The following TXNL1 variants were observed in gnomAD, a reference collection of about 807,000 sequenced individuals.
The protein encoded by TXNL1 is thioredoxin-like protein 1.
TXNL1 carries 14 observed loss-of-function variants against 35.5 expected under a neutral mutation model. The ratio of observed to expected loss-of-function variants is 0.39; its 90% CI spans 0.26 to 0.62. The LOEUF is 0.62. Ranked by LOEUF, TXNL1 falls within the 20% of genes least tolerant of loss-of-function variation. The pLI is 0.47. For synonymous variants in TXNL1, 110 were observed against 115.5 expected (o/e 0.95, Z 0.31); for missense variants, 263 against 349.7 (o/e 0.75, Z 1.98).
chr18:56,604,071 A>T (rs1185724467), intron 7 of TXNL1, among the ~76,000 whole-genome samples: 1 of 152,124 alleles, frequency 6.6e-6, no homozygotes, highest in Non-Finnish European at 1.5e-5. Context: ...CAATCACACA[A>T]TCCTAGAAAT....
chr18:56,598,721 G>A lies in TXNL1; in HGVS notation c.*4306C>T, dbSNP rs566474766. ...AAAAAGCAGTGACAGCTGAGAGCAG[G>A]ATACAGAAGATACTTATCCTTGTTC... On this transcript the variant is annotated 3_prime_UTR_variant, in exon 8 of 8. Transcript: ENST00000217515. 11 of 152,280 alleles carry A rather than the reference G, an allele frequency of 7.2e-5. No individual in the cohort carries two copies. The highest frequency in any genetic ancestry group is 7.2e-4 in the Admixed American group (11 of 15,288). 9.4% of individuals were successfully genotyped at this position (152,280 alleles called of 1,614,324 possible).
At chr18:56,608,073 G>T (rs2023931363) in intron 7 of TXNL1, among the ~76,000 whole-genome samples, 1 of 152,074 alleles carries the variant, frequency 6.6e-6, no homozygotes, top group South Asian at 2.1e-4. Flanking sequence ...CATCCACCGG[G>T]GGTCTAAGAA....
chr18:56,608,459 A>T (rs1046625030), intron 7 of TXNL1: 3 of 152,242 alleles, frequency 2.0e-5, no homozygotes, highest in African/African-American at 7.2e-5. Flanking sequence ...TTTATTAAAC[A>T]TTAAAAGCAA....
At chr18:56,610,933 G>T (rs973632519) in intron 7 of TXNL1, 60 bp downstream of exon 7, 1 of 1,116,528 alleles carries the variant, frequency 9.0e-7, no homozygotes, top group Non-Finnish European at 1.3e-6. Context: ...TGAGATACAT[G>T]AAATTATTCC....
intron 1 of TXNL1, among the ~76,000 whole-genome samples, chr18:56,634,834 A>G (rs1202667530): frequency 1.3e-5 from 2 of 152,224 alleles, no homozygotes; most frequent in East Asian, 3.8e-4. Context: ...TTTAAAACTC[A>G]TGCATCAAAG....
At chr18:56,619,676 C>T (rs1229592481) in intron 3 of TXNL1, among the ~76,000 whole-genome samples, 1 of 151,892 alleles carries the variant, frequency 6.6e-6, no homozygotes, top group Non-Finnish European at 1.5e-5. Flanking sequence ...ACATGCCCAT[C>T]TCTGTATACT....
chr18:56,611,429 G>A (rs1482081439), intron 6 of TXNL1, among the ~76,000 whole-genome samples: 1 of 151,396 alleles, frequency 6.6e-6, no homozygotes, highest in Non-Finnish European at 1.5e-5. Context: ...TTGAATCCAG[G>A]AGGTGGAGGT....
At chr18:56,615,434 T>TCCC (rs1270360895) in intron 5 of TXNL1, among the ~76,000 whole-genome samples, 1 of 126,918 alleles carries the variant, frequency 7.9e-6, no homozygotes, top group African/African-American at 2.8e-5. Context: ...ATTCCCCTAT[T>TCCC]CCCCCTCAGA....
At position 56,599,462 on chromosome 18, in the gene TXNL1, A is replaced by G. The variant is rs1352476227; in HGVS notation, c.*3565T>C. 1.3e-5 allele frequency: 2 copies of G among 152,190 alleles called. No individual in the cohort carries two copies. The highest frequency in any genetic ancestry group is 1.5e-5 in the Non-Finnish European group (1 of 68,010). 9.4% of individuals were successfully genotyped at this position (152,190 alleles called of 1,614,324 possible). A position where few individuals can be genotyped will look rare whatever the true frequency, so the allele number is the denominator to read the frequency against. ...TTATGTGTATTATAAAGCATAATCT[A>G]TATTTACAAAACTGTAAAATACACA... On this transcript the variant is annotated 3_prime_UTR_variant, in exon 8 of 8. Transcript: ENST00000217515.
At chr18:56,626,262 A>G in intron 2 of TXNL1, 99 bp downstream of exon 2, 1 of 1,499,490 alleles carries the variant, frequency 6.7e-7, no homozygotes, top group South Asian at 1.4e-5. Context: ...TCAAAGGAAT[A>G]AGTACTATGT....
At chr18:56,636,079 T>C (rs1009479141) in intron 1 of TXNL1, among the ~76,000 whole-genome samples, 1 of 152,190 alleles carries the variant, frequency 6.6e-6, no homozygotes, top group Non-Finnish European at 1.5e-5. Context: ...TTAATGCCAA[T>C]GAATTATACT....
rs746013199 is a variant in TXNL1 at position 56,611,142 on chromosome 18, A to C, written c.736-45T>G. 59 of 1,242,758 alleles carry C rather than the reference A, an allele frequency of 4.7e-5. 1 individual carries two copies. Among genetic ancestry groups the C allele is most frequent in the South Asian group, 4.6e-4 (35 of 76,808 alleles). The allele number at this position is 1,242,758 out of a possible 1,614,324, so 77.0% of individuals were successfully genotyped here. ...ATTTATAATTACAATCCTTCTTCAC[A>C]AACATGCTTTAAGTTTAATCAATTT... is the stretch of plus-strand genomic sequence containing the variant. On this transcript the variant is annotated intron_variant, in intron 6 of 7. Coordinates refer to ENST00000217515, the MANE Select transcript of TXNL1 (RefSeq NM_004786.3).
intron 7 of TXNL1, chr18:56,609,288 C>G (rs1041983154): frequency 1.1e-4 from 17 of 152,046 alleles, no homozygotes; most frequent in African/African-American, 4.1e-4. Flanking sequence ...CAAATACTCT[C>G]AAACAAAAAA....
chr18:56,633,176 G>C (rs1039694392), intron 1 of TXNL1, among the ~76,000 whole-genome samples: 1 of 149,996 alleles, frequency 6.7e-6, no homozygotes, highest in African/African-American at 2.5e-5. Flanking sequence ...GGCAGGGCAC[G>C]GTGGCTCACG....
At chr18:56,604,999 G>T (rs949916154) in intron 7 of TXNL1, among the ~76,000 whole-genome samples, 6 of 149,024 alleles carry the variant, frequency 4.0e-5, no homozygotes, top group African/African-American at 1.5e-4. Flanking sequence ...GCCTCAAAAT[G>T]TAATACAAAA....
Position 56,598,200 on chromosome 18 carries a change from T to C in TXNL1, c.*4827A>G, listed in dbSNP as rs1417735306. The C allele has an allele frequency of 1.3e-5, 2 of 152,178 alleles. No individual in the cohort carries two copies. The highest frequency in any genetic ancestry group is 2.9e-5 in the Non-Finnish European group (2 of 68,032). The allele number at this position is 152,178 out of a possible 1,614,324, so 9.4% of individuals were successfully genotyped here. On this transcript the variant is annotated 3_prime_UTR_variant, in exon 8 of 8. Coordinates refer to ENST00000217515, the MANE Select transcript of TXNL1 (RefSeq NM_004786.3). ...AGCATCTCCCCTTGGACCCTGAGAATTTTTTCAACATTGTATTTAATGATA... is the reference window on the plus strand; with the variant it reads ...AGCATCTCCCCTTGGACCCTGAGAACTTTTTCAACATTGTATTTAATGATA...
rs547886653 is a variant in TXNL1, at chr18:56,609,987, C to A, written c.840+1006G>T. On this transcript the variant is annotated intron_variant, in intron 7 of 7. Transcript: ENST00000217515. ...TTTTGTAAGATCATCCTCTGTTATG[C>A]AATCTAATACATTTTTCTATAATTG... The A allele has an allele frequency of 3.3e-5, 5 of 152,062 alleles. No homozygotes were observed. The East Asian group carries it at 9.7e-4, about 30-fold the overall frequency. 9.4% of individuals were successfully genotyped at this position (152,062 alleles called of 1,614,324 possible). A position where few individuals can be genotyped will look rare whatever the true frequency, so the allele number is the denominator to read the frequency against.
At chr18:56,616,386 T>A in intron 4 of TXNL1, 72 bp from the exon 5 acceptor site, 1 of 1,353,700 alleles carries the variant, frequency 7.4e-7, no homozygotes. Flanking sequence ...TGAAGCAGAA[T>A]GAAAATAACA....
chr18:56,602,958 C>T lies in TXNL1; in HGVS notation c.*69G>A, dbSNP rs368459287. On this transcript the variant is annotated 3_prime_UTR_variant, in exon 8 of 8. Coordinates refer to ENST00000217515, the MANE Select transcript of TXNL1 (RefSeq NM_004786.3). ...TGAATGAAACATTGACAGTCTCTGG[C>T]GAGAATCAAGCAATTATCCAGGAGC... The T allele has an allele frequency of 2.1e-5, 31 of 1,492,470 alleles. No individual in the cohort carries two copies. The highest frequency in any genetic ancestry group is 2.8e-5 in the African/African-American group (2 of 72,434). 92.5% of individuals were successfully genotyped at this position (1,492,470 alleles called of 1,614,324 possible).
Sources: allele counts gnomAD v4.1 joint callset (sites outside exome capture counted in the v4.1 genomes callset), GRCh38; gene constraint gnomAD v4.1.1; transcripts MANE v1.5; gene names NCBI Gene and HGNC (gene_info 2026-07-23, HGNC 2026-07-21).